Variants in LSAMP observed in about 807,000 individuals in gnomAD.
LSAMP encodes the protein limbic system associated membrane protein, also known as limbic system-associated membrane protein.
In LSAMP, 7 loss-of-function variants were observed where a neutral mutation model predicts 38.6. The observed-to-expected ratio is 0.18, with a 90% CI of 0.10 to 0.34. The LOEUF (loss-of-function observed/expected upper bound fraction) is 0.34. Ranked by LOEUF, LSAMP falls within the 10% of genes least tolerant of loss-of-function variation. The pLI is 1.00. For missense variants in LSAMP, 313 were observed against 420.0 expected, an observed-to-expected ratio of 0.75 and a Z score of 2.23; for synonymous variants, 154 against 166.8, an observed-to-expected ratio of 0.92 and a Z score of 0.59.
chr3:116,082,108 A>ACACAC (rs1274646429), intron 2 of LSAMP, among the ~76,000 whole-genome samples: 2 of 152,214 alleles, frequency 1.3e-5, no homozygotes, highest in African/African-American at 4.8e-5. Context: ...TTGTATTCAT[A>ACACAC]CACACATGAA....
At chr3:116,332,253 A>G (rs939787840) in intron 1 of LSAMP, among the ~76,000 whole-genome samples, 5 of 152,164 alleles carry the variant, frequency 3.3e-5, no homozygotes, top group African/African-American at 1.2e-4. Flanking sequence ...TTTTATTTAC[A>G]CATAATTTTA....
chr3:116,087,484 A>C (rs189148058), intron 1 of LSAMP, among the ~76,000 whole-genome samples: 21 of 152,324 alleles, frequency 1.4e-4, no homozygotes, highest in Admixed American at 1.3e-3. Context: ...CAGAAAACAA[A>C]AACAAAAAAA....
intron 1 of LSAMP, among the ~76,000 whole-genome samples, chr3:116,193,283 T>C (rs1473191962): frequency 6.6e-6 from 1 of 152,178 alleles, no homozygotes; most frequent in Non-Finnish European, 1.5e-5. Context: ...GTCCAACTTC[T>C]CCTCTGGTGT....
intron 3 of LSAMP, among the ~76,000 whole-genome samples, chr3:115,952,464 G>T (rs2107579887): frequency 6.6e-6 from 1 of 152,262 alleles, no homozygotes; most frequent in Admixed American, 6.5e-5. Context: ...AAGTAACTCA[G>T]GAATGGAAAA....
intron 3 of LSAMP, among the ~76,000 whole-genome samples, chr3:115,953,404 T>TGCACAC (rs1361747526): frequency 7.0e-6 from 1 of 143,594 alleles, no homozygotes; most frequent in Non-Finnish European, 1.5e-5. Flanking sequence ...GTAGTGTGCG[T>TGCACAC]ACACACACAC....
At chr3:115,821,110 T>C (rs1205354880) in intron 6 of LSAMP, among the ~76,000 whole-genome samples, 1 of 152,206 alleles carries the variant, frequency 6.6e-6, no homozygotes, top group Non-Finnish European at 1.5e-5. Context: ...GATGTGATTT[T>C]TTTCTCTTTC....
chr3:116,070,922 C>T (rs539047423), intron 2 of LSAMP, among the ~76,000 whole-genome samples: 1 of 152,146 alleles, frequency 6.6e-6, no homozygotes, highest in South Asian at 2.1e-4. Flanking sequence ...CGCCTGTAAT[C>T]CCAGCTACTA....
intron 1 of LSAMP, among the ~76,000 whole-genome samples, chr3:116,392,081 C>T (rs909783803): frequency 3.9e-5 from 6 of 152,116 alleles, no homozygotes; most frequent in Admixed American, 2.0e-4. Context: ...TCACACCTGC[C>T]CTGAAAGCCT....
chr3:115,900,216 GT>G (rs1936838997), intron 3 of LSAMP, among the ~76,000 whole-genome samples: 1 of 152,050 alleles, frequency 6.6e-6, no homozygotes, highest in Non-Finnish European at 1.5e-5. Flanking sequence ...CTTCATTTAA[GT>G]TTAAATTGCT....
intron 1 of LSAMP, among the ~76,000 whole-genome samples, chr3:116,164,743 CAT>C (rs1329964354): frequency 4.1e-5 from 2 of 48,448 alleles, no homozygotes; most frequent in South Asian, 7.6e-4. Flanking sequence ...TATATATATC[CAT>C]ATATATATAT....
At chr3:116,190,730 A>T (rs1317132471) in intron 1 of LSAMP, among the ~76,000 whole-genome samples, 1 of 152,166 alleles carries the variant, frequency 6.6e-6, no homozygotes, top group East Asian at 1.9e-4. Context: ...GCCACCTAGA[A>T]TCCTCTTTCA....
At chr3:116,439,331 T>TA (rs36116843) in intron 1 of LSAMP, among the ~76,000 whole-genome samples, 11 of 151,254 alleles carry the variant, frequency 7.3e-5, no homozygotes, top group Non-Finnish European at 8.9e-5. Context: ...TTTTTTTTTT[T>TA]AATGCAACTA....
chr3:116,228,756 G>T (rs1291562770), intron 1 of LSAMP, among the ~76,000 whole-genome samples: 1 of 152,044 alleles, frequency 6.6e-6, no homozygotes, highest in Non-Finnish European at 1.5e-5. Context: ...ATCAAATGTG[G>T]GTACTATAAG....
intron 3 of LSAMP, among the ~76,000 whole-genome samples, chr3:115,853,352 G>A (rs1324802584): frequency 6.6e-6 from 1 of 152,218 alleles, no homozygotes; most frequent in Admixed American, 6.5e-5. Flanking sequence ...ATGTGCTGCT[G>A]ATGGTGTGTT....
chr3:116,090,667 C>T (rs934988464), intron 1 of LSAMP, among the ~76,000 whole-genome samples: 16 of 152,104 alleles, frequency 1.1e-4, no homozygotes, highest in Admixed American at 9.2e-4. Context: ...GGACAGAGTA[C>T]AAAAGAGAGA....
rs74780934 is a variant in LSAMP at position 116,026,793 on chromosome 3, T to C, written c.389-7153A>G. Among the ~76,000 whole-genome samples the C allele has an allele frequency of 5.2e-3, 794 of 152,310 alleles. 3 individuals are homozygous for C. Among genetic ancestry groups the C allele is most frequent in the Non-Finnish European group, 9.1e-3 (617 of 68,020 alleles). On this transcript the variant is annotated intron_variant, in intron 2 of 6. Transcript: ENST00000490035. ...CCATGCCCTCCTACAGAGGGTGACA[T>C]ACTTTTTCATCCCTGGGTCATGTTA...
chr3:116,269,818 T>C (rs1024306915), intron 1 of LSAMP, among the ~76,000 whole-genome samples: 6 of 152,158 alleles, frequency 3.9e-5, no homozygotes, highest in African/African-American at 1.4e-4. Flanking sequence ...TGTGCTTATG[T>C]ACACACAGGT....
At chr3:115,926,571 C>T (rs964118597) in intron 3 of LSAMP, among the ~76,000 whole-genome samples, 6 of 152,162 alleles carry the variant, frequency 3.9e-5, no homozygotes, top group African/African-American at 1.4e-4. Context: ...GCACACTCAG[C>T]TTCCCTCATG....
intron 3 of LSAMP, among the ~76,000 whole-genome samples, chr3:115,858,215 T>A (rs1353898823): frequency 6.6e-6 from 1 of 151,910 alleles, no homozygotes; most frequent in African/African-American, 2.4e-5. Context: ...AAGATTTTAC[T>A]GTTAAATGTG....
Sources: allele counts gnomAD v4.1 joint callset (sites outside exome capture counted in the v4.1 genomes callset), GRCh38; gene constraint gnomAD v4.1.1; transcripts MANE v1.5; gene names NCBI Gene and HGNC (gene_info 2026-07-23, HGNC 2026-07-21).